The following GAB4 variants were observed in gnomAD, a reference collection of about 807,000 sequenced individuals.
GAB4 encodes GRB2 associated binding protein family member 4.
Under a neutral mutation model 51.3 loss-of-function variants are expected in GAB4, and 26 were observed. That is an observed-to-expected ratio of 0.51 (90% CI 0.37 to 0.70). The LOEUF (loss-of-function observed/expected upper bound fraction) is 0.70, where lower values mean the gene tolerates loss of function less well. Among genes scored for constraint, GAB4 ranks in the 30% least tolerant of loss-of-function variants. The probability of loss-of-function intolerance (pLI) is 0.00; values close to 1 mark genes in which losing one functional copy is unlikely to be tolerated. For missense variants in GAB4, 759 were observed against 734.6 expected, an observed-to-expected ratio of 1.03 and a Z score of -0.38; for synonymous variants, 329 against 291.2, an observed-to-expected ratio of 1.13 and a Z score of -1.32.
intron 1 of GAB4, among the ~76,000 whole-genome samples, chr22:17,004,025 T>C (rs1218636781): frequency 6.6e-6 from 1 of 152,058 alleles, no homozygotes; most frequent in Non-Finnish European, 1.5e-5. Flanking sequence ...CAAACTACCA[T>C]CAGAGAATAC....
chr22:16,964,703 G>A (rs898917030), intron 8 of GAB4, 63 bp downstream of exon 8: 2 of 1,187,178 alleles, frequency 1.7e-6, no homozygotes, highest in African/African-American at 1.5e-5. Flanking sequence ...TGGGAAGCGG[G>A]GACATGAGTG....
At position 16,965,262 on chromosome 22, in the gene GAB4, G is replaced by A. The variant is rs1354218124; in HGVS notation, c.1295C>T (p.Pro432Leu). 2 of 1,613,710 alleles carry A rather than the reference G, an allele frequency of 1.2e-6. No individual in the cohort carries two copies. Among genetic ancestry groups the A allele is most frequent in the South Asian group, 1.1e-5 (1 of 91,006 alleles). Residue 432 changes from proline to leucine, a missense_variant, in exon 7 of 10, where the codon CCA becomes CTA. Transcript: ENST00000400588. ...RSLKPNQKANPTPPNLRNNRV... is the reference protein window; with the variant it reads ...RSLKPNQKANLTPPNLRNNRV... ...GTTGTTTCTCAGGTTGGGCGGTGTT[G>A]GGTTGGCTGGAGCAGGAAAAGAACC...
intron 1 of GAB4, 145 bp from the exon 2 acceptor site, chr22:16,992,321 G>A: frequency 2.9e-6 from 2 of 686,052 alleles, no homozygotes; most frequent in South Asian, 4.0e-5. Context: ...TTCAAAGGTG[G>A]AGAGTGACTT....
intron 9 of GAB4, 30 bp from the exon 10 acceptor site, chr22:16,962,906 G>A (rs770267215): frequency 4.4e-6 from 7 of 1,597,826 alleles, no homozygotes; most frequent in East Asian, 2.2e-5. Flanking sequence ...AGTGGGAGTG[G>A]CAGTGTCTGT....
chr22:16,997,091 C>A (rs2060956304), intron 1 of GAB4, among the ~76,000 whole-genome samples: 1 of 152,112 alleles, frequency 6.6e-6, no homozygotes, highest in African/African-American at 2.4e-5. Flanking sequence ...GTGAATAGTG[C>A]CGCAATAAAC....
chr22:16,964,992 G>A lies in GAB4; in HGVS notation c.1380-130C>T, dbSNP rs2060660261. On this transcript the variant is annotated intron_variant, in intron 7 of 9. Coordinates refer to ENST00000400588, the MANE Select transcript of GAB4 (RefSeq NM_001037814.1). The stretch of plus-strand genomic sequence containing the variant: ...ACTGTTACCAGATCAAGAACTGATA[G>A]GGACAGGGATCATTATTCCCCCTTT... 6.6e-6 allele frequency: 5 copies of A among 762,200 alleles called. No homozygotes were observed. In the East Asian group the frequency reaches 1.0e-4, roughly 16 times the overall value. 47.2% of individuals were successfully genotyped at this position (762,200 alleles called of 1,614,324 possible).
intron 3 of GAB4, among the ~76,000 whole-genome samples, chr22:16,986,676 T>C (rs1244370946): frequency 6.6e-6 from 1 of 152,214 alleles, no homozygotes; most frequent in East Asian, 1.9e-4. Flanking sequence ...CTATCCCTGG[T>C]CTGGGACTCA....
chr22:16,963,475 C>T (rs1236357472), intron 9 of GAB4, among the ~76,000 whole-genome samples: 1 of 152,198 alleles, frequency 6.6e-6, no homozygotes, highest in Non-Finnish European at 1.5e-5. Context: ...ACAACCTCCA[C>T]AGATCAGGTC....
chr22:16,974,996 T>G (rs1376332806), intron 3 of GAB4, among the ~76,000 whole-genome samples: 1 of 152,190 alleles, frequency 6.6e-6, no homozygotes, highest in African/African-American at 2.4e-5. Context: ...ACACTTTTCC[T>G]ATGGTCTTCA....
intron 1 of GAB4, among the ~76,000 whole-genome samples, chr22:17,003,862 T>C (rs1166543133): frequency 2.0e-5 from 3 of 152,128 alleles, no homozygotes; most frequent in African/African-American, 7.2e-5. Context: ...AAAAAAACCC[T>C]TCAAAAAATC....
chr22:16,978,283 A>T (rs1601262096), intron 3 of GAB4, among the ~76,000 whole-genome samples: 1 of 152,332 alleles, frequency 6.6e-6, no homozygotes, highest in African/African-American at 2.4e-5. Flanking sequence ...ATAGACCACT[A>T]GCCAGACTAA....
At chr22:16,991,232 A>T (rs2060911026) in intron 2 of GAB4, among the ~76,000 whole-genome samples, 1 of 151,814 alleles carries the variant, frequency 6.6e-6, no homozygotes, top group Non-Finnish European at 1.5e-5. Flanking sequence ...CTTGGCATCA[A>T]CATTTTACAA....
At position 17,008,022 on chromosome 22, in the gene GAB4, G is replaced by T. The variant is rs1226912283; in HGVS notation, c.93C>A (p.Ala31=). 4 of 1,610,400 alleles carry T rather than the reference G, an allele frequency of 2.5e-6. No individual in the cohort carries two copies. Among genetic ancestry groups the T allele is most frequent in the East Asian group, 2.2e-5 (1 of 44,762 alleles). ...PLSSWPGSGP[A]GGSTRSGHVL... is the part of the protein sequence containing the mutation. Reference sequence around the variant, plus strand: ...CGTGGCCACTTCTCGTGCTTCCGCCGGCGGGGCCACTTCCGGGCCACGAAG... The same window carrying T: ...CGTGGCCACTTCTCGTGCTTCCGCCTGCGGGGCCACTTCCGGGCCACGAAG... The change falls in exon 1 of 10, where the codon GCC becomes GCA. Residue 31 remains alanine (A), a synonymous_variant. Transcript: ENST00000400588.
intron 1 of GAB4, among the ~76,000 whole-genome samples, chr22:16,995,689 C>T (rs57770680): frequency 0.013 from 2,000 of 152,296 alleles, 49 homozygotes; most frequent in African/African-American, 0.046. Context: ...AGTGGACTTC[C>T]AGCAAACTCC....
At chr22:16,972,541 G>A (rs1409892248) in intron 3 of GAB4, among the ~76,000 whole-genome samples, 1 of 152,114 alleles carries the variant, frequency 6.6e-6, no homozygotes, top group Non-Finnish European at 1.5e-5. Flanking sequence ...GGGATGGGGT[G>A]GGGGAAAGCA....
intron 6 of GAB4, 52 bp from the exon 7 acceptor site, chr22:16,965,320 G>A: frequency 7.0e-7 from 1 of 1,426,416 alleles, no homozygotes; most frequent in Non-Finnish European, 9.9e-7. Flanking sequence ...CCACACCCAT[G>A]TCCACTTTGC....
At chr22:16,987,474 A>G (rs1215244627) in intron 3 of GAB4, among the ~76,000 whole-genome samples, 6 of 152,244 alleles carry the variant, frequency 3.9e-5, no homozygotes, top group Non-Finnish European at 7.3e-5. Flanking sequence ...TGTGGCTACT[A>G]TAACTGAGAA....
chr22:16,971,224 C>T (rs1180533219), intron 3 of GAB4, among the ~76,000 whole-genome samples: 8 of 152,256 alleles, frequency 5.3e-5, no homozygotes, highest in Middle Eastern at 6.8e-3. Context: ...ATTATTAAAA[C>T]GTAAGTTTTG....
chr22:16,971,640 G>T (rs1201802584), intron 3 of GAB4, among the ~76,000 whole-genome samples: 2 of 152,212 alleles, frequency 1.3e-5, no homozygotes, highest in African/African-American at 4.8e-5. Context: ...CTCTTGGGGT[G>T]TCTCCCCAGA....
Sources: allele counts gnomAD v4.1 joint callset (sites outside exome capture counted in the v4.1 genomes callset), GRCh38; gene constraint gnomAD v4.1.1; transcripts MANE v1.5; gene names NCBI Gene and HGNC (gene_info 2026-07-23, HGNC 2026-07-21).